Variants in IDI1 observed in about 807,000 individuals in gnomAD.
The protein encoded by IDI1 is isopentenyl-diphosphate Delta-isomerase 1.
Under a neutral mutation model 32.9 loss-of-function variants are expected in IDI1, and 23 were observed. The observed-to-expected ratio is 0.70, with a 90% CI of 0.50 to 0.99. The LOEUF is 0.99. Ranked by LOEUF, IDI1 falls within the 50% of genes least tolerant of loss-of-function variation. IDI1 has a pLI of 0.00. For synonymous variants in IDI1, 133 were observed against 128.2 expected (o/e 1.04, Z -0.25); for missense variants, 326 against 351.9 (o/e 0.93, Z 0.59).
At position 1,040,832 on chromosome 10, in the gene IDI1, G is replaced by A. The variant is rs1832547687; in HGVS notation, c.*355C>T. The A allele has an allele frequency of 6.2e-6, 1 of 160,398 alleles. No homozygotes were observed. Among genetic ancestry groups the A allele is most frequent in the African/African-American group, 2.7e-5 (1 of 36,444 alleles). The allele number at this position is 160,398 out of a possible 1,614,324, so 9.9% of individuals were successfully genotyped here. A position where few individuals can be genotyped will look rare whatever the true frequency, so the allele number is the denominator to read the frequency against. ...TAGCAAGTCCTCTGCAAGTGCTCCGGAAATGTTTATCACAGCCTACTAAAA... is the reference window on the plus strand; with the variant it reads ...TAGCAAGTCCTCTGCAAGTGCTCCGAAAATGTTTATCACAGCCTACTAAAA... On this transcript the variant is annotated 3_prime_UTR_variant, in exon 5 of 5. Coordinates refer to ENST00000381344, the MANE Select transcript of IDI1 (RefSeq NM_004508.4).
rs1331246976 is a variant in IDI1 at position 1,040,887 on chromosome 10, C to T, written c.*300G>A. ...AGTTTCACTCATTTGTTCAAATTTCCCATAAGTATGTATCTGCAAAGATTA... is the reference window on the plus strand; with the variant it reads ...AGTTTCACTCATTTGTTCAAATTTCTCATAAGTATGTATCTGCAAAGATTA... On this transcript the variant is annotated 3_prime_UTR_variant, in exon 5 of 5. Coordinates refer to ENST00000381344, the MANE Select transcript of IDI1 (RefSeq NM_004508.4). The T allele has an allele frequency of 1.7e-5, 4 of 228,924 alleles. No individual in the cohort carries two copies. Among genetic ancestry groups the T allele is most frequent in the Non-Finnish European group, 3.4e-5 (4 of 117,652 alleles). 14.2% of individuals were successfully genotyped at this position (228,924 alleles called of 1,614,324 possible). A position where few individuals can be genotyped will look rare whatever the true frequency, so the allele number is the denominator to read the frequency against.
At chr10:1,053,469 G>A (rs776574105), upstream of IDI1, among the ~76,000 whole-genome samples, 2 of 152,176 alleles carry the variant, frequency 1.3e-5, no homozygotes, top group African/African-American at 2.4e-5. Context: ...GAATATTGTG[G>A]CTGGTTTAAT....
intron 4 of IDI1, among the ~76,000 whole-genome samples, chr10:1,041,909 G>A (rs570771435): frequency 8.6e-5 from 13 of 151,360 alleles, no homozygotes; most frequent in African/African-American, 3.2e-4. Flanking sequence ...AGGTTCAAGC[G>A]ATTCTCCTGC....
chr10:1,049,215 AC>A, upstream of IDI1: 2 of 744,636 alleles, frequency 2.7e-6, no homozygotes, highest in Non-Finnish European at 2.0e-6. Context: ...GGTGCCCGAG[AC>A]CACAGACGCC....
At chr10:1,052,919 T>A (rs1833051462), upstream of IDI1, among the ~76,000 whole-genome samples, 1 of 152,214 alleles carries the variant, frequency 6.6e-6, no homozygotes, top group Non-Finnish European at 1.5e-5. Context: ...TTGTTTCAAC[T>A]CCAATGAAAA....
upstream of IDI1, among the ~76,000 whole-genome samples, chr10:1,050,307 A>G (rs758985581): frequency 6.6e-6 from 1 of 152,244 alleles, no homozygotes; most frequent in East Asian, 1.9e-4. Flanking sequence ...GATCTCTTTC[A>G]TGTCTGGCTT....
intron 1 of IDI1, among the ~76,000 whole-genome samples, chr10:1,046,229 G>A (rs1415928973): frequency 6.6e-6 from 1 of 152,134 alleles, no homozygotes; most frequent in African/African-American, 2.4e-5. Flanking sequence ...TGGTGTTTCG[G>A]TACACTACAG....
Position 1,049,052 on chromosome 10 carries a change from A to T in IDI1, c.-49T>A. 1 of 1,448,440 alleles carries T rather than the reference A, an allele frequency of 6.9e-7. No homozygotes were observed. 89.7% of individuals were successfully genotyped at this position (1,448,440 alleles called of 1,614,324 possible). On this transcript the variant is annotated 5_prime_UTR_variant, in exon 1 of 5. The change creates a new upstream start codon in the 5' untranslated region. Coordinates refer to ENST00000381344, the MANE Select transcript of IDI1 (RefSeq NM_004508.4). ...CGCGCTTGACGACACAATCTCGCCA[A>T]GCTTCGCCTGGTGGTGCCACCTCCC...
rs1159266003 is a variant in IDI1 at position 1,039,826 on chromosome 10, G to T, written c.*1361C>A. 1 of 152,132 alleles carries T rather than the reference G, an allele frequency of 6.6e-6. No homozygotes were observed. The highest frequency in any genetic ancestry group is 1.5e-5 in the Non-Finnish European group (1 of 68,010). 9.4% of individuals were successfully genotyped at this position (152,132 alleles called of 1,614,324 possible). ...CTAGAAAATAAAACTAAAAAAATTA[G>T]AAACAATATTATAAATGCAACGGAA... On this transcript the variant is annotated 3_prime_UTR_variant, in exon 5 of 5. Coordinates refer to ENST00000381344, the MANE Select transcript of IDI1 (RefSeq NM_004508.4).
At chr10:1,042,553 A>G in intron 4 of IDI1, 79 bp downstream of exon 4, 1 of 1,432,892 alleles carries the variant, frequency 7.0e-7, no homozygotes, top group Non-Finnish European at 9.8e-7. Context: ...ACTACATTTG[A>G]ATTTAAAAAT....
At chr10:1,051,045 T>C (rs946981309), upstream of IDI1, among the ~76,000 whole-genome samples, 5 of 152,232 alleles carry the variant, frequency 3.3e-5, no homozygotes, top group Non-Finnish European at 5.9e-5. Flanking sequence ...TCAATGGACA[T>C]TTTGTACTTG....
At chr10:1,054,357 A>G in the IDI1 span, among the ~76,000 whole-genome samples, 1 of 152,372 alleles carries the variant, frequency 6.6e-6, no homozygotes, top group Non-Finnish European at 1.5e-5. Flanking sequence ...CAAACAGCTT[A>G]TAACACTATA....
rs199527508 is a variant in IDI1 at position 1,042,698 on chromosome 10, G to A, written c.471C>T (p.Asp157=). 121 of 1,613,908 alleles carry A rather than the reference G, an allele frequency of 7.5e-5. 1 individual carries two copies. The highest frequency in any genetic ancestry group is 6.2e-4 in the East Asian group (28 of 44,868). The stretch of plus-strand genomic sequence containing the variant: ...GTGCTGCTCGCCTCACTCCAAGGGC[G>A]TCACTTTCCTCAAGCTCGGCTGGAT... ...LSNPAELEES[D]ALGVRRAAQR... Residue 157 remains aspartate, a synonymous_variant, in exon 4 of 5, where the codon GAC becomes GAT. Transcript: ENST00000381344.
In IDI1 at chr10:1,041,496, T is replaced by C; in HGVS notation, c.546A>G (p.Pro182=). Residue 182 remains proline (P), a synonymous_variant, in exon 5 of 5, where the codon CCA becomes CCG. Transcript: ENST00000381344. ...TTCGTGTTAAATAATTAATTTCTTC[T>C]GGAGGAACCTAAGACATTAAAAAAA... ...ELGIPLEEVP[P]EEINYLTRIH... The C allele has an allele frequency of 1.9e-6, 3 of 1,551,478 alleles. No homozygotes were observed. Among genetic ancestry groups the C allele is most frequent in the African/African-American group, 1.4e-5 (1 of 71,454 alleles).
downstream of IDI1, chr10:1,039,170 A>T (rs1307608133): frequency 4.4e-5 from 6 of 137,500 alleles, no homozygotes; most frequent in East Asian, 1.1e-3. Context: ...TCCCACAGGG[A>T]CGCACTGCGG....
At chr10:1,050,143 C>T (rs1036991358), upstream of IDI1, among the ~76,000 whole-genome samples, 6 of 152,156 alleles carry the variant, frequency 3.9e-5, no homozygotes, top group African/African-American at 1.4e-4. Flanking sequence ...AAAGCTTTTG[C>T]TCACTGTTGT....
At chr10:1,045,866 G>GGTGT (rs10598743) in intron 1 of IDI1, among the ~76,000 whole-genome samples, 7,220 of 151,030 alleles carry the variant, frequency 0.048, 208 homozygotes, top group Non-Finnish European at 0.062. Flanking sequence ...ATAGGGTCTG[G>GGTGT]GTGTGTGTGT....
At chr10:1,049,169 C>A, upstream of IDI1, 1 of 1,169,980 alleles carries the variant, frequency 8.5e-7, no homozygotes, top group Non-Finnish European at 1.1e-6. Flanking sequence ...CACGCCCCAC[C>A]CCCAGTTCCG....
chr10:1,042,514 T>G, intron 4 of IDI1, 118 bp downstream of exon 4: 1 of 944,016 alleles, frequency 1.1e-6, no homozygotes, highest in Non-Finnish European at 1.7e-6. Flanking sequence ...TGGGGCTAAC[T>G]CATAACTCCG....
Sources: gnomAD v4.1 joint callset for allele counts (sites outside exome capture counted in the v4.1 genomes callset) on GRCh38, gnomAD v4.1.1 for gene constraint, MANE v1.5 for transcripts, NCBI Gene and HGNC (gene_info 2026-07-23, HGNC 2026-07-21) for gene names.